Variants in SPIRE1 observed in about 807,000 individuals in gnomAD.
The protein encoded by SPIRE1 is spire type actin nucleation factor 1.
SPIRE1 carries 40 observed loss-of-function variants against 94.1 expected under a neutral mutation model. The ratio of observed to expected loss-of-function variants is 0.43; its 90% CI spans 0.33 to 0.55. The LOEUF (loss-of-function observed/expected upper bound fraction) is 0.55. Ranked by LOEUF, SPIRE1 falls within the 20% of genes least tolerant of loss-of-function variation. SPIRE1 has a pLI of 0.06. For synonymous variants in SPIRE1, 376 were observed against 371.7 expected (o/e 1.01, Z -0.13); for missense variants, 838 against 975.2 (o/e 0.86, Z 1.87).
At chr18:12,536,506 C>T (rs546863237) in intron 3 of SPIRE1, among the ~76,000 whole-genome samples, 129 of 145,538 alleles carry the variant, frequency 8.9e-4, no homozygotes, top group African/African-American at 2.9e-3. Flanking sequence ...AATTTTGTAA[C>T]GTAGTAAAAA....
chr18:12,509,868 G>A (rs2033968416), intron 5 of SPIRE1, among the ~76,000 whole-genome samples: 2 of 151,924 alleles, frequency 1.3e-5, no homozygotes, highest in Non-Finnish European at 2.9e-5. Flanking sequence ...GGATCACCAG[G>A]TAGGTCAGGA....
intron 2 of SPIRE1, among the ~76,000 whole-genome samples, chr18:12,570,159 C>T (rs1270430875): frequency 2.6e-5 from 4 of 152,190 alleles, no homozygotes; most frequent in Non-Finnish European, 5.9e-5. Flanking sequence ...ACTTTGACTT[C>T]CTAAAAGTAT....
chr18:12,597,529 C>CT (rs1227438986), intron 2 of SPIRE1, among the ~76,000 whole-genome samples: 1 of 152,138 alleles, frequency 6.6e-6, no homozygotes, highest in Admixed American at 6.6e-5. Flanking sequence ...GGGCCTGGCA[C>CT]TTTTTTTAAC....
intron 2 of SPIRE1, among the ~76,000 whole-genome samples, chr18:12,600,964 C>T (rs1331915078): frequency 6.6e-6 from 1 of 152,072 alleles, no homozygotes; most frequent in Non-Finnish European, 1.5e-5. Context: ...TCAAGCAATC[C>T]ACCTGCCTCG....
At chr18:12,464,366 C>T (rs934185520) in intron 11 of SPIRE1, among the ~76,000 whole-genome samples, 1 of 152,204 alleles carries the variant, frequency 6.6e-6, no homozygotes, top group East Asian at 1.9e-4. Context: ...ATTTTTAATA[C>T]TTCATAATGT....
At chr18:12,533,713 T>A (rs1368439598) in intron 4 of SPIRE1, among the ~76,000 whole-genome samples, 2 of 152,198 alleles carry the variant, frequency 1.3e-5, no homozygotes, top group Non-Finnish European at 2.9e-5. Flanking sequence ...CTGTGCTTTA[T>A]AAAGTAGCCA....
intron 1 of SPIRE1, among the ~76,000 whole-genome samples, chr18:12,640,992 C>G (rs575678061): frequency 1.3e-5 from 2 of 151,984 alleles, no homozygotes; most frequent in Admixed American, 6.6e-5. Flanking sequence ...TCAAGGCCAG[C>G]GAGGAGGCTA....
chr18:12,618,060 T>C (rs1391716183), intron 2 of SPIRE1, among the ~76,000 whole-genome samples: 1 of 152,168 alleles, frequency 6.6e-6, no homozygotes, highest in Non-Finnish European at 1.5e-5. Context: ...CCATGAGAAT[T>C]TCCCCCTAGA....
chr18:12,494,197 G>C (rs946853804), intron 7 of SPIRE1, among the ~76,000 whole-genome samples: 4 of 152,096 alleles, frequency 2.6e-5, no homozygotes, highest in African/African-American at 9.7e-5. Context: ...ACAGGTGTGA[G>C]CCACCTCCCA....
intron 1 of SPIRE1, among the ~76,000 whole-genome samples, chr18:12,638,471 CAG>C (rs747567212): frequency 2.6e-5 from 4 of 152,142 alleles, no homozygotes; most frequent in Non-Finnish European, 5.9e-5. Context: ...TAATTAAAAA[CAG>C]ATGAGTAATC....
At chr18:12,569,479 C>T (rs980071954) in intron 2 of SPIRE1, among the ~76,000 whole-genome samples, 7 of 152,142 alleles carry the variant, frequency 4.6e-5, no homozygotes, top group Middle Eastern at 3.4e-3. Context: ...CCTAGTTCTT[C>T]GGACACCATC....
chr18:12,540,296 C>T (rs1567919681), intron 3 of SPIRE1, among the ~76,000 whole-genome samples: 1 of 152,168 alleles, frequency 6.6e-6, no homozygotes, highest in Admixed American at 6.5e-5. Context: ...CTCACTCCTC[C>T]AGGTGTTGAT....
Position 12,624,817 on chromosome 18 carries a change from G to A in SPIRE1, c.372+10245C>T, listed in dbSNP as rs181946570. On this transcript the variant is annotated intron_variant, in intron 2 of 16. Coordinates refer to ENST00000409402, the MANE Select transcript of SPIRE1 (RefSeq NM_001128626.2). ...ACTGCACTCCAGCCTGGGCGACAGA[G>A]TGAGACTCCATCTCAAAAAAAAAAA... Among the ~76,000 whole-genome samples the A allele has an allele frequency of 5.0e-3, 694 of 137,726 alleles. 6 individuals are homozygous for A. Among genetic ancestry groups the A allele is most frequent in the African/African-American group, 0.017 (666 of 38,178 alleles). The allele number at this position is 137,726 out of a possible 152,430, so 90.4% of individuals were successfully genotyped here.
At chr18:12,466,008 G>A (rs1162664941) in intron 10 of SPIRE1, among the ~76,000 whole-genome samples, 3 of 151,468 alleles carry the variant, frequency 2.0e-5, no homozygotes, top group Non-Finnish European at 4.4e-5. Flanking sequence ...TGCTTGACCC[G>A]GGGAGGCAGC....
At chr18:12,538,025 G>C (rs1409445963) in intron 3 of SPIRE1, among the ~76,000 whole-genome samples, 2 of 152,064 alleles carry the variant, frequency 1.3e-5, no homozygotes, top group Non-Finnish European at 2.9e-5. Flanking sequence ...GGAATTGCAA[G>C]GGGCCCCTTG....
intron 7 of SPIRE1, 128 bp from the exon 8 acceptor site, chr18:12,493,329 C>G: frequency 1.2e-6 from 1 of 861,564 alleles, no homozygotes; most frequent in Non-Finnish European, 1.7e-6. Context: ...AGATTACTTT[C>G]AAGTCATTAA....
chr18:12,546,608 G>T (rs1445681246), intron 3 of SPIRE1, 66 bp downstream of exon 3: 4 of 1,204,984 alleles, frequency 3.3e-6, no homozygotes, highest in African/African-American at 3.0e-5. Flanking sequence ...CTCCAGGGGG[G>T]GAAAAAAAAG....
intron 2 of SPIRE1, among the ~76,000 whole-genome samples, chr18:12,575,139 A>T (rs2036060307): frequency 6.6e-6 from 1 of 152,108 alleles, no homozygotes; most frequent in Non-Finnish European, 1.5e-5. Context: ...CATGTTTTGA[A>T]TGGTGATGAA....
intron 10 of SPIRE1, among the ~76,000 whole-genome samples, chr18:12,477,832 T>C (rs2032665599): frequency 6.6e-6 from 1 of 152,134 alleles, no homozygotes; most frequent in African/African-American, 2.4e-5. Flanking sequence ...CGGCTGTGCG[T>C]GGCTGAGGCA....
Sources: allele counts gnomAD v4.1 joint callset (sites outside exome capture counted in the v4.1 genomes callset), GRCh38; gene constraint gnomAD v4.1.1; transcripts MANE v1.5; gene names NCBI Gene and HGNC (gene_info 2026-07-23, HGNC 2026-07-21).